The following ITSN2 variants were observed in gnomAD, a reference collection of about 807,000 sequenced individuals.
ITSN2 encodes the protein intersectin 2, also known as intersectin-2.
Under a neutral mutation model 243.7 loss-of-function variants are expected in ITSN2, and 156 were observed. The observed-to-expected ratio is 0.64, with a 90% CI of 0.56 to 0.73. The LOEUF (loss-of-function observed/expected upper bound fraction) is 0.73, where lower values mean the gene tolerates loss of function less well. Ranked by LOEUF, ITSN2 falls within the 30% of genes least tolerant of loss-of-function variation. The pLI is 0.00. For missense variants in ITSN2, 1,801 were observed against 1,996.1 expected (o/e 0.90, Z 1.86); for synonymous variants, 703 against 699.9 (o/e 1.00, Z -0.07).
chr2:24,247,321 T>C (rs1673514344), intron 27 of ITSN2, among the ~76,000 whole-genome samples: 1 of 152,232 alleles, frequency 6.6e-6, no homozygotes, highest in African/African-American at 2.4e-5. Flanking sequence ...ATACTGTTCA[T>C]GACTCTGCCA....
chr2:24,332,643 A>G (rs1685918536), intron 1 of ITSN2, among the ~76,000 whole-genome samples: 1 of 152,192 alleles, frequency 6.6e-6, no homozygotes, highest in African/African-American at 2.4e-5. Context: ...GGAACCAATA[A>G]GCTTTTAAAA....
chr2:24,220,905 A>G, intron 30 of ITSN2, 40 bp downstream of exon 30: 1 of 1,560,904 alleles, frequency 6.4e-7, no homozygotes, highest in South Asian at 1.2e-5. Flanking sequence ...CATGAGAGAC[A>G]GCAGATACCC....
At position 24,317,462 on chromosome 2, in the gene ITSN2, T is replaced by C. The variant is rs146482978; in HGVS notation, c.32-2238A>G. 5.9e-3 allele frequency among the ~76,000 whole-genome samples: 904 copies of C among 151,994 alleles called. 7 individuals are homozygous for C. The highest frequency in any genetic ancestry group is 0.02 in the African/African-American group (845 of 41,446). ...ATTCCACTGCTTATAGTAAAGCTAC[T>C]GGATCAATGAAGGCTCAGATCAGAG... is the stretch of plus-strand genomic sequence containing the variant. On this transcript the variant is annotated intron_variant, in intron 2 of 39. Transcript: ENST00000355123.
intron 7 of ITSN2, 94 bp from the exon 8 acceptor site, chr2:24,308,850 AG>A: frequency 1.2e-6 from 1 of 830,654 alleles, no homozygotes; most frequent in Non-Finnish European, 1.8e-6. Flanking sequence ...CTTATATACC[AG>A]GGGTCCTGAA....
At chr2:24,259,872 T>C (rs1468237564) in intron 22 of ITSN2, among the ~76,000 whole-genome samples, 1 of 152,206 alleles carries the variant, frequency 6.6e-6, no homozygotes, top group Non-Finnish European at 1.5e-5. Context: ...CAGTTATTTA[T>C]ATGTCTGTCA....
At chr2:24,264,558 T>A (rs890925503) in intron 20 of ITSN2, among the ~76,000 whole-genome samples, 8 of 150,610 alleles carry the variant, frequency 5.3e-5, no homozygotes, top group Non-Finnish European at 7.4e-5. Flanking sequence ...TTTGAGTTAA[T>A]CTGTGTATAT....
intron 1 of ITSN2, among the ~76,000 whole-genome samples, chr2:24,345,734 A>C (rs549259924): frequency 2.0e-5 from 3 of 151,914 alleles, no homozygotes; most frequent in African/African-American, 7.2e-5. Flanking sequence ...TAGATATTAT[A>C]TTAATAGTAA....
At chr2:24,347,419 G>T (rs768710710) in intron 1 of ITSN2, among the ~76,000 whole-genome samples, 10 of 152,208 alleles carry the variant, frequency 6.6e-5, no homozygotes, top group Non-Finnish European at 1.3e-4. Context: ...AGGCACTGGG[G>T]CTCACGCCCG....
At chr2:24,296,463 A>G (rs1483085776) in intron 13 of ITSN2, among the ~76,000 whole-genome samples, 2 of 152,196 alleles carry the variant, frequency 1.3e-5, no homozygotes, top group Non-Finnish European at 2.9e-5. Flanking sequence ...GGGCCTTTAA[A>G]GAGGTGATTA....
intron 1 of ITSN2, among the ~76,000 whole-genome samples, chr2:24,331,571 C>G (rs1194745158): frequency 6.6e-6 from 1 of 152,194 alleles, no homozygotes; most frequent in African/African-American, 2.4e-5. Context: ...ACATGGCCAC[C>G]TTGGCACAAA....
At position 24,324,565 on chromosome 2, in the gene ITSN2, A is replaced by T. The variant is rs566118764; in HGVS notation, c.31+3487T>A. Among the ~76,000 whole-genome samples the T allele has an allele frequency of 1.1e-4, 16 of 152,236 alleles. 1 individual carries two copies. The highest frequency in any genetic ancestry group is 3.9e-4 in the African/African-American group (16 of 41,508). ...CAGTAAATGTTTATGGGGTACAAAG[A>T]TGAATAAAATGAACCACTTGCCTGG... On this transcript the variant is annotated intron_variant, in intron 2 of 39. Transcript: ENST00000355123.
At chr2:24,290,702 A>C (rs956877015) in intron 15 of ITSN2, among the ~76,000 whole-genome samples, 1 of 152,182 alleles carries the variant, frequency 6.6e-6, no homozygotes, top group South Asian at 2.1e-4. Flanking sequence ...CTGTCCCTCA[A>C]ATCACTTACT....
Position 24,209,177 on chromosome 2 carries a change from AG to A in ITSN2, c.4517del (p.Pro1506LeufsTer66), listed in dbSNP as rs1400758816. ...NEVLVKLPTDPSSDEPVFHIS... is the reference protein window; with the variant it reads ...NEVLVKLPTDXSSDEPVFHIS... The stretch of plus-strand genomic sequence containing the variant: ...TGTGGAAGACAGGCTCATCGCTGGA[AG>A]GGTCTGTGGGCAGTTTCACCAAGAC... On this transcript the variant is annotated frameshift_variant, in exon 36 of 40. Coordinates refer to ENST00000355123, the MANE Select transcript of ITSN2 (RefSeq NM_006277.3). LOFTEE classifies it high-confidence loss of function. The A allele has an allele frequency of 1.9e-6, 3 of 1,614,046 alleles. No homozygotes were observed. The highest frequency in any genetic ancestry group is 2.5e-6 in the Non-Finnish European group (3 of 1,179,890).
At chr2:24,353,933 T>C (rs563347858) in intron 1 of ITSN2, among the ~76,000 whole-genome samples, 1 of 152,214 alleles carries the variant, frequency 6.6e-6, no homozygotes, top group Non-Finnish European at 1.5e-5. Context: ...ATTCATATGA[T>C]ATGTGAATTA....
chr2:24,271,872 CTTT>C lies in ITSN2; in HGVS notation c.2148_2150del (p.Lys717del). ...CTTGTGTTTTTTCTTCCTGGAGTCGCTTTTGTTTTTCTTCTTCCTCCTTTCTAA... is the reference window on the plus strand; with the variant it reads ...CTTGTGTTTTTTCTTCCTGGAGTCGCTGTTTTTCTTCTTCCTCCTTTCTAA... On this transcript the variant is annotated inframe_deletion, in exon 19 of 40. Transcript: ENST00000355123. 1 of 1,603,470 alleles carries C rather than the reference CTTT, an allele frequency of 6.2e-7. No individual in the cohort carries two copies. The highest frequency in any genetic ancestry group is 8.5e-7 in the Non-Finnish European group (1 of 1,174,492).
intron 1 of ITSN2, among the ~76,000 whole-genome samples, chr2:24,347,142 C>T (rs1409998611): frequency 2.6e-5 from 4 of 151,766 alleles, no homozygotes; most frequent in Admixed American, 1.3e-4. Context: ...GGATTACAGG[C>T]GTGAGCCACC....
At position 24,220,936 on chromosome 2, in the gene ITSN2, C is replaced by T; in HGVS notation, c.3699+9G>A. On this transcript the variant is annotated intron_variant, in intron 30 of 39. Coordinates refer to ENST00000355123, the MANE Select transcript of ITSN2 (RefSeq NM_006277.3). ...TACCCCGAGAGCTAGCCAGCAGCAG[C>T]CTCCTCACCTCGACGACGAGCTGAA... 2 of 1,589,716 alleles carry T rather than the reference C, an allele frequency of 1.3e-6. No individual in the cohort carries two copies. The highest frequency in any genetic ancestry group is 1.7e-6 in the Non-Finnish European group (2 of 1,169,458).
chr2:24,205,003 C>A (rs1263663848), intron 38 of ITSN2, among the ~76,000 whole-genome samples: 1 of 152,028 alleles, frequency 6.6e-6, no homozygotes, highest in Non-Finnish European at 1.5e-5. Flanking sequence ...AAGAATTTGC[C>A]AGGCGTGGTG....
At chr2:24,265,310 G>C (rs1211798198) in intron 20 of ITSN2, among the ~76,000 whole-genome samples, 1 of 152,068 alleles carries the variant, frequency 6.6e-6, no homozygotes, top group African/African-American at 2.4e-5. Flanking sequence ...CAATAAACAG[G>C]TCTTGCAAAT....
Sources: gnomAD v4.1 joint callset for allele counts (sites outside exome capture counted in the v4.1 genomes callset) on GRCh38, gnomAD v4.1.1 for gene constraint, MANE v1.5 for transcripts, NCBI Gene and HGNC (gene_info 2026-07-23, HGNC 2026-07-21) for gene names.